Variants in EYA4 observed in about 807,000 individuals in gnomAD.
EYA4 encodes EYA transcriptional coactivator and phosphatase 4.
In EYA4, 31 loss-of-function variants were observed where a neutral mutation model predicts 87.9. The observed-to-expected ratio is 0.35, with a 90% CI of 0.27 to 0.48. The LOEUF is 0.48. Among genes scored for constraint, EYA4 ranks in the 20% least tolerant of loss-of-function variants. EYA4 has a pLI of 0.99. For synonymous variants in EYA4, 263 were observed against 270.6 expected, an observed-to-expected ratio of 0.97 and a Z score of 0.28; for missense variants, 678 against 761.4, an observed-to-expected ratio of 0.89 and a Z score of 1.29.
chr6:133,303,576 G>A (rs1779578455), intron 2 of EYA4, among the ~76,000 whole-genome samples: 1 of 152,004 alleles, frequency 6.6e-6, no homozygotes, highest in African/African-American at 2.4e-5. Context: ...TCTATTTCTG[G>A]GGTTAGTTGT....
At chr6:133,436,214 C>T (rs1402843254) in intron 3 of EYA4, among the ~76,000 whole-genome samples, 1 of 150,920 alleles carries the variant, frequency 6.6e-6, no homozygotes, top group African/African-American at 2.4e-5. Flanking sequence ...AGCAAGACTC[C>T]GTCTTGAGGA....
intron 2 of EYA4, among the ~76,000 whole-genome samples, chr6:133,287,982 A>G (rs1778197996): frequency 6.6e-6 from 1 of 152,048 alleles, no homozygotes; most frequent in Non-Finnish European, 1.5e-5. Context: ...TACGAAAATT[A>G]GCCGGGTGTG....
intron 2 of EYA4, among the ~76,000 whole-genome samples, chr6:133,297,392 C>T (rs990257595): frequency 2.0e-5 from 3 of 152,160 alleles, no homozygotes; most frequent in African/African-American, 7.2e-5. Flanking sequence ...TAGGAATTGT[C>T]AGGAACAGTG....
intron 3 of EYA4, among the ~76,000 whole-genome samples, chr6:133,385,722 G>T (rs1786693348): frequency 6.6e-6 from 1 of 152,226 alleles, no homozygotes; most frequent in Non-Finnish European, 1.5e-5. Context: ...TAATTAAATT[G>T]GGTGTGGAGA....
At chr6:133,293,270 T>A (rs892595214) in intron 2 of EYA4, among the ~76,000 whole-genome samples, 4 of 152,200 alleles carry the variant, frequency 2.6e-5, no homozygotes, top group Non-Finnish European at 4.4e-5. Flanking sequence ...TTTTATTTTT[T>A]ATGAGACACA....
chr6:133,291,267 A>C (rs914077310), intron 2 of EYA4, among the ~76,000 whole-genome samples: 4 of 152,210 alleles, frequency 2.6e-5, no homozygotes, highest in Non-Finnish European at 5.9e-5. Context: ...TAAAATATTT[A>C]TTCAACAAAG....
intron 2 of EYA4, among the ~76,000 whole-genome samples, chr6:133,377,304 C>T (rs954674334): frequency 1.3e-5 from 2 of 152,038 alleles, no homozygotes; most frequent in Non-Finnish European, 1.5e-5. Flanking sequence ...ATTCTACTTC[C>T]TCTTTTTCAT....
chr6:133,468,849 A>C (rs751253121), intron 11 of EYA4, 118 bp downstream of exon 11: 19 of 1,015,342 alleles, frequency 1.9e-5, no homozygotes, highest in Non-Finnish European at 2.6e-5. Flanking sequence ...GCTGATGTTT[A>C]ATCTGTGTTA....
At chr6:133,480,365 G>C (rs77351187) in intron 11 of EYA4, among the ~76,000 whole-genome samples, 1 of 152,264 alleles carries the variant, frequency 6.6e-6, no homozygotes, top group African/African-American at 2.4e-5. Context: ...GGGACTATTA[G>C]CAGGAGTATT....
At chr6:133,443,167 C>T (rs1180750785) in intron 3 of EYA4, among the ~76,000 whole-genome samples, 1 of 151,290 alleles carries the variant, frequency 6.6e-6, no homozygotes, top group Non-Finnish European at 1.5e-5. Context: ...TCTATTTTTT[C>T]TGAAAGAATT....
chr6:133,321,221 T>C (rs1468877908), intron 2 of EYA4, among the ~76,000 whole-genome samples: 1 of 152,176 alleles, frequency 6.6e-6, no homozygotes, highest in Non-Finnish European at 1.5e-5. Flanking sequence ...TTATGTTGTA[T>C]CTAGGTATTG....
intron 2 of EYA4, among the ~76,000 whole-genome samples, chr6:133,379,500 T>C (rs994645518): frequency 7.2e-5 from 11 of 152,164 alleles, no homozygotes; most frequent in African/African-American, 2.4e-4. Context: ...TTTGAAGATG[T>C]CATAAAATAA....
rs56987430 is a variant in EYA4 at position 133,342,574 on chromosome 6, CATAT to C, written c.34-39790_34-39787del. On this transcript the variant is annotated intron_variant, in intron 2 of 19. Coordinates refer to ENST00000355286, the MANE Select transcript of EYA4 (RefSeq NM_004100.5). ...CCATCCAGTTTAAGGTACACACTGC[CATAT>C]ATATATATATATATATATATATATA... Among the ~76,000 whole-genome samples the C allele has an allele frequency of 4.4e-3, 447 of 100,484 alleles. 17 individuals are homozygous for C. Among genetic ancestry groups the C allele is most frequent in the Middle Eastern group, 0.023 (4 of 174 alleles). 65.9% of individuals were successfully genotyped at this position (100,484 alleles called of 152,430 possible). A position where few individuals can be genotyped will look rare whatever the true frequency, so the allele number is the denominator to read the frequency against.
intron 1 of EYA4, among the ~76,000 whole-genome samples, chr6:133,243,760 G>A (rs1774181638): frequency 1.3e-5 from 2 of 151,196 alleles, no homozygotes; most frequent in Non-Finnish European, 2.9e-5. Flanking sequence ...TATTTGATAC[G>A]TGATACGGAG....
chr6:133,491,278 T>C (rs899659524), intron 13 of EYA4, among the ~76,000 whole-genome samples: 5 of 151,892 alleles, frequency 3.3e-5, no homozygotes, highest in Admixed American at 1.3e-4. Flanking sequence ...ATAAACCACC[T>C]AATGATGCAT....
chr6:133,500,335 C>A (rs1798001163), intron 13 of EYA4, among the ~76,000 whole-genome samples: 1 of 152,052 alleles, frequency 6.6e-6, no homozygotes, highest in Non-Finnish European at 1.5e-5. Flanking sequence ...GTCATCCTCC[C>A]AGCTTGGAGT....
rs540604315 is a variant in EYA4 at position 133,341,995 on chromosome 6, C to G, written c.34-40397C>G. ...ATTTGGTCTAATGCTGCTGAATTGT[C>G]TCATAAATATCTTGACAAGTCATTT... On this transcript the variant is annotated intron_variant, in intron 2 of 19. Coordinates refer to ENST00000355286, the MANE Select transcript of EYA4 (RefSeq NM_004100.5). Among the ~76,000 whole-genome samples, 270 of 152,220 alleles carry G rather than the reference C, an allele frequency of 1.8e-3. 1 individual carries two copies. The highest frequency in any genetic ancestry group is 5.9e-3 in the African/African-American group (243 of 41,532).
intron 2 of EYA4, among the ~76,000 whole-genome samples, chr6:133,367,006 T>C (rs906492438): frequency 6.6e-6 from 1 of 152,326 alleles, no homozygotes; most frequent in African/African-American, 2.4e-5. Context: ...GAAGTTCTTT[T>C]AGTTAGTTTG....
At chr6:133,250,519 G>A (rs1774808529) in intron 1 of EYA4, among the ~76,000 whole-genome samples, 1 of 152,068 alleles carries the variant, frequency 6.6e-6, no homozygotes, top group Non-Finnish European at 1.5e-5. Flanking sequence ...GTGGGCGCCT[G>A]TAATCCCAGC....
Sources: allele counts gnomAD v4.1 joint callset (sites outside exome capture counted in the v4.1 genomes callset), GRCh38; gene constraint gnomAD v4.1.1; transcripts MANE v1.5; gene names NCBI Gene and HGNC (gene_info 2026-07-23, HGNC 2026-07-21).